Variants in PRKCE observed in about 807,000 individuals in gnomAD.
The protein encoded by PRKCE is protein kinase C epsilon type.
A neutral mutation model predicts 85.4 loss-of-function variants in PRKCE; 16 were observed. The observed-to-expected ratio is 0.19, with a 90% CI of 0.13 to 0.28. The LOEUF is 0.28. Ranked by LOEUF, PRKCE falls within the 10% of genes least tolerant of loss-of-function variation. The pLI, the probability that PRKCE is intolerant of heterozygous loss-of-function variation, is 1.00. For synonymous variants in PRKCE, 388 were observed against 371.5 expected (o/e 1.04, Z -0.51); for missense variants, 573 against 975.2 (o/e 0.59, Z 5.49).
At chr2:46,131,316 C>A (rs1674425981) in intron 11 of PRKCE, among the ~76,000 whole-genome samples, 1 of 152,166 alleles carries the variant, frequency 6.6e-6, no homozygotes. Context: ...TGAAGCTGTG[C>A]CCCATGCCTT....
intron 2 of PRKCE, among the ~76,000 whole-genome samples, chr2:45,975,654 T>C (rs1171952104): frequency 6.6e-6 from 1 of 152,194 alleles, no homozygotes; most frequent in African/African-American, 2.4e-5. Context: ...CAATTATCTT[T>C]ATTATTTTTG....
At chr2:46,161,480 G>A (rs1354340936) in intron 14 of PRKCE, among the ~76,000 whole-genome samples, 3 of 152,144 alleles carry the variant, frequency 2.0e-5, no homozygotes, top group Admixed American at 6.5e-5. Context: ...ACTTAAACTC[G>A]AGTCTCCAGG....
chr2:45,979,090 C>G, intron 4 of PRKCE, 80 bp downstream of exon 4: 1 of 1,354,842 alleles, frequency 7.4e-7, no homozygotes, highest in Non-Finnish European at 1.0e-6. Context: ...GGCAGGTGCT[C>G]AGTCTGATGA....
chr2:45,812,414 T>C (rs2105273449), intron 1 of PRKCE, among the ~76,000 whole-genome samples: 1 of 152,228 alleles, frequency 6.6e-6, no homozygotes, highest in South Asian at 2.1e-4. Context: ...TTACGGAGCA[T>C]TGGTGTGAGT....
intron 1 of PRKCE, among the ~76,000 whole-genome samples, chr2:45,830,510 A>G (rs1232006236): frequency 6.6e-6 from 1 of 152,256 alleles, no homozygotes; most frequent in East Asian, 1.9e-4. Context: ...TAAGAGACAT[A>G]AGGATCATTC....
chr2:45,820,509 G>C (rs547464214), intron 1 of PRKCE, among the ~76,000 whole-genome samples: 1 of 152,228 alleles, frequency 6.6e-6, no homozygotes, highest in African/African-American at 2.4e-5. Context: ...AGGCATAAGG[G>C]GGTGGGAGAC....
At chr2:45,709,154 A>G (rs1343627803) in intron 1 of PRKCE, among the ~76,000 whole-genome samples, 3 of 151,898 alleles carry the variant, frequency 2.0e-5, no homozygotes, top group African/African-American at 7.3e-5. Context: ...GGAGGTGAAG[A>G]CCCCCAATTC....
At chr2:46,115,746 T>C (rs1215553416) in intron 11 of PRKCE, among the ~76,000 whole-genome samples, 2 of 152,206 alleles carry the variant, frequency 1.3e-5, no homozygotes, top group East Asian at 1.9e-4. Flanking sequence ...TTAAGCCAGC[T>C]TGGAACCAGA....
intron 1 of PRKCE, among the ~76,000 whole-genome samples, chr2:45,725,413 A>G (rs1173567811): frequency 6.6e-6 from 1 of 152,220 alleles, no homozygotes; most frequent in Admixed American, 6.5e-5. Flanking sequence ...CCCATGGATC[A>G]AGGAGTAATT....
chr2:45,784,794 A>G (rs1392004502), intron 1 of PRKCE, among the ~76,000 whole-genome samples: 1 of 152,218 alleles, frequency 6.6e-6, no homozygotes, highest in Admixed American at 6.5e-5. Flanking sequence ...ATAGAAAGGA[A>G]AATGGTGGTT....
chr2:46,157,559 A>G (rs986940165), intron 13 of PRKCE, among the ~76,000 whole-genome samples: 6 of 152,188 alleles, frequency 3.9e-5, no homozygotes, highest in African/African-American at 9.7e-5. Flanking sequence ...TGTTAATAGC[A>G]TGAAGGCTGA....
chr2:45,836,712 C>T (rs772894004), intron 1 of PRKCE, among the ~76,000 whole-genome samples: 3 of 152,254 alleles, frequency 2.0e-5, no homozygotes, highest in East Asian at 1.9e-4. Flanking sequence ...GATGGTTCCC[C>T]GTCTGCCTCC....
intron 1 of PRKCE, among the ~76,000 whole-genome samples, chr2:45,655,619 A>G (rs979101392): frequency 6.6e-6 from 1 of 152,148 alleles, no homozygotes; most frequent in Non-Finnish European, 1.5e-5. Flanking sequence ...TGAGTCCAGA[A>G]GTTCAAGATC....
At chr2:45,725,691 C>T (rs1334472736) in intron 1 of PRKCE, among the ~76,000 whole-genome samples, 2 of 152,016 alleles carry the variant, frequency 1.3e-5, no homozygotes, top group Non-Finnish European at 2.9e-5. Context: ...ATTAGCTGGG[C>T]GTGGTGGCAC....
chr2:45,677,957 C>A, intron 1 of PRKCE: 1 of 890,480 alleles, frequency 1.1e-6, no homozygotes, highest in Non-Finnish European at 1.3e-6. Context: ...TTTTGTCTGC[C>A]ACTGTGATGT....
intron 1 of PRKCE, among the ~76,000 whole-genome samples, chr2:45,798,688 T>C (rs979252517): frequency 3.3e-5 from 5 of 152,154 alleles, no homozygotes; most frequent in Admixed American, 6.5e-5. Context: ...TGATCAGTAA[T>C]TATTTCCTAA....
intron 1 of PRKCE, among the ~76,000 whole-genome samples, chr2:45,728,507 G>A (rs924102182): frequency 2.0e-5 from 3 of 152,138 alleles, no homozygotes; most frequent in African/African-American, 7.2e-5. Flanking sequence ...CTTGCTTTGA[G>A]GGTGGTGCAA....
intron 1 of PRKCE, among the ~76,000 whole-genome samples, chr2:45,670,964 C>T (rs1676130979): frequency 6.6e-6 from 1 of 152,202 alleles, no homozygotes. Flanking sequence ...GATAGTGGTG[C>T]TTCAGGGTTC....
chr2:45,998,810 TC>T lies in PRKCE; in HGVS notation c.824-2593del, dbSNP rs1163109559. On this transcript the variant is annotated intron_variant, in intron 6 of 14. Coordinates refer to ENST00000306156, the MANE Select transcript of PRKCE (RefSeq NM_005400.3). ...GAGCATTTAATATGTTCGTATTGTT[TC>T]TCTCCTTTCTTAGCGTATCATTTAT... Among the ~76,000 whole-genome samples the T allele has an allele frequency of 2.0e-5, 3 of 152,228 alleles. No homozygotes were observed. The East Asian group carries it at 5.8e-4, about 29-fold the overall frequency.
Sources: gnomAD v4.1 joint callset for allele counts (sites outside exome capture counted in the v4.1 genomes callset) on GRCh38, gnomAD v4.1.1 for gene constraint, MANE v1.5 for transcripts, NCBI Gene and HGNC (gene_info 2026-07-23, HGNC 2026-07-21) for gene names.